The following RALYL variants were observed in gnomAD, a reference collection of about 807,000 sequenced individuals.
RALYL encodes the protein RNA-binding Raly-like protein.
In RALYL, 29 loss-of-function variants were observed where a neutral mutation model predicts 35.1. The ratio of observed to expected loss-of-function variants is 0.83; its 90% CI spans 0.61 to 1.13. RALYL has a LOEUF of 1.13. RALYL is among the 50% of genes most tolerant of loss of function. The pLI is 0.00. For missense variants in RALYL, 359 were observed against 360.4 expected (o/e 1.00, Z 0.03); for synonymous variants, 120 against 127.6 (o/e 0.94, Z 0.40).
chr8:84,716,931 A>G (rs1564423981), intron 2 of RALYL, among the ~76,000 whole-genome samples: 2 of 152,126 alleles, frequency 1.3e-5, no homozygotes, highest in Non-Finnish European at 2.9e-5. Flanking sequence ...TAGCATAAAG[A>G]TCATAGATAT....
chr8:84,541,846 G>C (rs2135261352), intron 2 of RALYL, among the ~76,000 whole-genome samples: 1 of 151,994 alleles, frequency 6.6e-6, no homozygotes, highest in South Asian at 2.1e-4. Context: ...AGAAAAGCTT[G>C]GTTTAATCTT....
At chr8:84,726,288 T>A (rs957473416) in intron 2 of RALYL, among the ~76,000 whole-genome samples, 4 of 146,786 alleles carry the variant, frequency 2.7e-5, no homozygotes, top group African/African-American at 9.8e-5. Context: ...TTATATATTT[T>A]TAAAAATAAA....
chr8:84,211,421 G>A (rs899902767), intron 1 of RALYL, among the ~76,000 whole-genome samples: 1 of 152,088 alleles, frequency 6.6e-6, no homozygotes, highest in Non-Finnish European at 1.5e-5. Context: ...TTGTTTAAAT[G>A]ACTGCAGCAA....
At chr8:84,258,704 T>A (rs1383616541) in intron 1 of RALYL, among the ~76,000 whole-genome samples, 3 of 152,126 alleles carry the variant, frequency 2.0e-5, no homozygotes, top group Non-Finnish European at 2.9e-5. Context: ...TATATAGATG[T>A]TTTAAGAATT....
At chr8:84,904,784 T>C (rs930706923) in intron 8 of RALYL, among the ~76,000 whole-genome samples, 2 of 152,150 alleles carry the variant, frequency 1.3e-5, no homozygotes, top group African/African-American at 4.8e-5. Flanking sequence ...TCATTTAGAC[T>C]CATAAAATTT....
At chr8:84,765,703 T>C (rs1377457865) in intron 2 of RALYL, among the ~76,000 whole-genome samples, 1 of 152,140 alleles carries the variant, frequency 6.6e-6, no homozygotes, top group Admixed American at 6.5e-5. Context: ...CTTTATCTCC[T>C]GAATTTTTAT....
intron 5 of RALYL, among the ~76,000 whole-genome samples, chr8:84,855,935 T>C (rs1160289361): frequency 6.6e-6 from 1 of 152,202 alleles, no homozygotes; most frequent in Non-Finnish European, 1.5e-5. Flanking sequence ...TTTGTGTTAA[T>C]TGATCCAAGA....
chr8:84,288,676 T>C (rs1838159220), intron 1 of RALYL, among the ~76,000 whole-genome samples: 1 of 152,172 alleles, frequency 6.6e-6, no homozygotes, highest in African/African-American at 2.4e-5. Context: ...ATGCAAGATA[T>C]TTTCATCTTA....
chr8:84,696,912 A>C (rs1839258054), intron 2 of RALYL, among the ~76,000 whole-genome samples: 1 of 152,032 alleles, frequency 6.6e-6, no homozygotes. Context: ...ACACAAATAC[A>C]CACAAAATGA....
chr8:84,543,473 G>C (rs1463722151), intron 2 of RALYL, among the ~76,000 whole-genome samples: 1 of 149,420 alleles, frequency 6.7e-6, no homozygotes, highest in Non-Finnish European at 1.5e-5. Context: ...AATACCATCT[G>C]TTCCCCAAAA....
At chr8:84,195,624 C>T (rs984832428) in intron 1 of RALYL, among the ~76,000 whole-genome samples, 7 of 152,144 alleles carry the variant, frequency 4.6e-5, no homozygotes, top group African/African-American at 1.7e-4. Context: ...AACAAACTAG[C>T]ATGCAATTTC....
At position 84,425,559 on chromosome 8, in the gene RALYL, C is replaced by T. The variant is rs181440255; in HGVS notation, c.-23-103740C>T. On this transcript the variant is annotated intron_variant, in intron 1 of 8. Transcript: ENST00000521268. ...TAGACTGGAGCTGTTCCTATTCGGC[C>T]ATCTTGGCTCCTCCTGGTCTTAACT... Among the ~76,000 whole-genome samples, 57 of 152,302 alleles carry T rather than the reference C, an allele frequency of 3.7e-4. 2 individuals carry two copies. Among genetic ancestry groups the T allele is most frequent in the Non-Finnish European group, 4.0e-4 (27 of 68,020 alleles).
At chr8:84,799,739 G>A (rs374175766) in intron 3 of RALYL, among the ~76,000 whole-genome samples, 6 of 152,166 alleles carry the variant, frequency 3.9e-5, no homozygotes, top group Non-Finnish European at 8.8e-5. Context: ...GGCGGATCAC[G>A]AGGTCAGGAG....
At chr8:84,906,907 C>G (rs551467514) in intron 8 of RALYL, 6 of 980,864 alleles carry the variant, frequency 6.1e-6, no homozygotes, top group Non-Finnish European at 7.3e-6. Flanking sequence ...ATCTTCCCTT[C>G]TAAACCTTCG....
chr8:84,600,284 T>A (rs1815615316), intron 2 of RALYL, among the ~76,000 whole-genome samples: 1 of 152,092 alleles, frequency 6.6e-6, no homozygotes, highest in East Asian at 1.9e-4. Context: ...TTTAATCATG[T>A]GAAATTAGAA....
chr8:84,203,436 T>C (rs1817374870), intron 1 of RALYL, among the ~76,000 whole-genome samples: 1 of 152,182 alleles, frequency 6.6e-6, no homozygotes, highest in Non-Finnish European at 1.5e-5. Context: ...AAGTGGGGTG[T>C]TCTCCCATCA....
chr8:84,406,514 A>G (rs2043514700), intron 1 of RALYL, among the ~76,000 whole-genome samples: 1 of 151,928 alleles, frequency 6.6e-6, no homozygotes, highest in African/African-American at 2.4e-5. Context: ...AGGTAAATAT[A>G]TTCAAATATA....
chr8:84,772,953 A>G (rs1815913515), intron 2 of RALYL, among the ~76,000 whole-genome samples: 1 of 152,234 alleles, frequency 6.6e-6, no homozygotes, highest in South Asian at 2.1e-4. Flanking sequence ...CATTAGGTAT[A>G]ATGTTTAATA....
intron 2 of RALYL, among the ~76,000 whole-genome samples, chr8:84,632,566 T>C (rs1274946683): frequency 1.3e-5 from 2 of 151,144 alleles, no homozygotes; most frequent in Non-Finnish European, 3.0e-5. Context: ...GATATTTGGT[T>C]GTGACTTTAT....
Sources: allele counts gnomAD v4.1 joint callset (sites outside exome capture counted in the v4.1 genomes callset), GRCh38; gene constraint gnomAD v4.1.1; transcripts MANE v1.5; gene names NCBI Gene and HGNC (gene_info 2026-07-23, HGNC 2026-07-21).